DNAJC13: variants seen among roughly 807,000 people sequenced by gnomAD.
The protein encoded by DNAJC13 is dnaJ homolog subfamily C member 13.
In DNAJC13, 75 loss-of-function variants were observed where a neutral mutation model predicts 290.5. The observed-to-expected ratio is 0.26, with a 90% CI of 0.21 to 0.31. DNAJC13 has a LOEUF of 0.31. DNAJC13 is among the 10% of genes least tolerant of loss of function. The probability of loss-of-function intolerance (pLI) is 1.00; values close to 1 mark genes in which losing one functional copy is unlikely to be tolerated. For missense variants in DNAJC13, 2,260 were observed against 2,674.5 expected (o/e 0.85, Z 3.42); for synonymous variants, 862 against 892.0 (o/e 0.97, Z 0.60).
At chr3:132,503,853 G>A (rs1935499965) in intron 41 of DNAJC13, among the ~76,000 whole-genome samples, 1 of 151,994 alleles carries the variant, frequency 6.6e-6, no homozygotes, top group Non-Finnish European at 1.5e-5. Flanking sequence ...AGTATGACAT[G>A]ATAGATCTCC....
In DNAJC13 at chr3:132,511,076, G is replaced by A; in HGVS notation, c.5125G>A (p.Ala1709Thr). 6.2e-7 allele frequency: 1 copy of A among 1,613,610 alleles called. No individual in the cohort carries two copies. The highest frequency in any genetic ancestry group is 1.3e-5 in the African/African-American group (1 of 74,964). The change falls in exon 44 of 56, where the codon GCA becomes ACA. Residue 1709 changes from alanine (A) to threonine (T), a missense_variant. Transcript: ENST00000260818. Reference protein sequence around the residue: ...VPTFQLEVPKAFAASLLDYIG... With the variant: ...VPTFQLEVPKTFAASLLDYIG... ...TGTCTGCATTGATTAGGTTCCAAAAGCATTTGCTGCAAGTCTCTTGGATTA... is the reference window on the plus strand; with the variant it reads ...TGTCTGCATTGATTAGGTTCCAAAAACATTTGCTGCAAGTCTCTTGGATTA...
At chr3:132,505,505 A>G (rs1477306972) in intron 42 of DNAJC13, 90 bp downstream of exon 42, 6 of 826,896 alleles carry the variant, frequency 7.3e-6, no homozygotes, top group Non-Finnish European at 9.6e-6. Flanking sequence ...GAAATCCACT[A>G]CTTCTCACTT....
chr3:132,419,264 T>G (rs2107635164), intron 1 of DNAJC13, among the ~76,000 whole-genome samples: 1 of 152,344 alleles, frequency 6.6e-6, no homozygotes, highest in Non-Finnish European at 1.5e-5. Flanking sequence ...ATGGAAAATA[T>G]CAGCATTTGT....
chr3:132,535,992 T>G (rs1936578539), intron 55 of DNAJC13, among the ~76,000 whole-genome samples: 1 of 152,216 alleles, frequency 6.6e-6, no homozygotes, highest in Non-Finnish European at 1.5e-5. Context: ...TACTAAAATT[T>G]GGTTTCTTCC....
Position 132,509,440 on chromosome 3 carries a change from G to A in DNAJC13, c.5116-1627G>A, listed in dbSNP as rs528665757. On this transcript the variant is annotated intron_variant, in intron 43 of 55. Coordinates refer to ENST00000260818, the MANE Select transcript of DNAJC13 (RefSeq NM_015268.4). ...TGGATAAGCAAAGAAAGTGGTTCTT[G>A]AGATGAAATCTTGTGAAGATGCTGT... is the stretch of plus-strand genomic sequence containing the variant. 5.3e-5 allele frequency among the ~76,000 whole-genome samples: 8 copies of A among 152,342 alleles called. No individual in the cohort carries two copies. The South Asian group carries it at 1.7e-3, about 32-fold the overall frequency.
At chr3:132,482,600 G>A (rs1934715757) in intron 27 of DNAJC13, among the ~76,000 whole-genome samples, 1 of 152,164 alleles carries the variant, frequency 6.6e-6, no homozygotes, top group Non-Finnish European at 1.5e-5. Context: ...GCTGGGTGTA[G>A]TGGCTTACAC....
chr3:132,523,626 A>G lies in DNAJC13; in HGVS notation c.5973A>G (p.Gln1991=), dbSNP rs757633085. Residue 1991 remains glutamine, a synonymous_variant, in exon 51 of 56, where the codon CAA becomes CAG. Transcript: ENST00000260818. ...GGVFLRIFIA[Q]PAWVLRKPRE... is the part of the protein sequence containing the mutation. ...TCTTCTTGAGGATCTTTATTGCACA[A>G]CCAGCCTGGGTTCTAAGAAAGCCTA... 1.2e-5 allele frequency: 20 copies of G among 1,613,980 alleles called. No individual in the cohort carries two copies. The highest frequency in any genetic ancestry group is 1.6e-5 in the Non-Finnish European group (19 of 1,179,986).
chr3:132,466,794 G>C (rs556879892), intron 19 of DNAJC13, among the ~76,000 whole-genome samples: 1 of 152,228 alleles, frequency 6.6e-6, no homozygotes, highest in South Asian at 2.1e-4. Flanking sequence ...AAAAGTTATA[G>C]GTAGGGTTTT....
chr3:132,495,811 A>C (rs1296230381), intron 35 of DNAJC13, among the ~76,000 whole-genome samples: 1 of 152,174 alleles, frequency 6.6e-6, no homozygotes, highest in Non-Finnish European at 1.5e-5. Flanking sequence ...TCATATGTTT[A>C]AGGTATTTTT....
intron 1 of DNAJC13, among the ~76,000 whole-genome samples, chr3:132,432,560 A>C (rs1413798901): frequency 1.3e-5 from 2 of 152,204 alleles, no homozygotes; most frequent in African/African-American, 4.8e-5. Context: ...AGAAATAGCT[A>C]AGTCACAAAA....
chr3:132,452,254 A>T (rs1933439755), intron 6 of DNAJC13, among the ~76,000 whole-genome samples: 2 of 152,238 alleles, frequency 1.3e-5, no homozygotes, highest in South Asian at 4.1e-4. Context: ...GGCAGCAAGA[A>T]GTTTTCATTT....
At position 132,511,123 on chromosome 3, in the gene DNAJC13, C is replaced by T. The variant is rs376672399; in HGVS notation, c.5172C>T (p.Tyr1724=). 7.4e-6 allele frequency: 12 copies of T among 1,613,970 alleles called. No homozygotes were observed. The highest frequency in any genetic ancestry group is 1.0e-5 in the Non-Finnish European group (12 of 1,179,928). Residue 1724 remains tyrosine (Y), a synonymous_variant, in exon 44 of 56, where the codon TAC becomes TAT. Coordinates refer to ENST00000260818, the MANE Select transcript of DNAJC13 (RefSeq NM_015268.4). ...ATTATATAGGCTCGCAGGCCCAATA[C>T]TTGCACACATTCATGGCCATCACAC... The part of the protein sequence containing the change: ...LLDYIGSQAQ[Y]LHTFMAITHA...
chr3:132,525,951 G>A (rs1443433764), intron 52 of DNAJC13, among the ~76,000 whole-genome samples, 162 bp downstream of exon 52: 1 of 152,014 alleles, frequency 6.6e-6, no homozygotes, highest in African/African-American at 2.4e-5. Context: ...ATCAAAACTG[G>A]TATTTATCAA....
chr3:132,468,409 T>G (rs1031344417), intron 20 of DNAJC13, among the ~76,000 whole-genome samples: 2 of 152,232 alleles, frequency 1.3e-5, no homozygotes, highest in Non-Finnish European at 2.9e-5. Context: ...TATTATAGTC[T>G]TGTGTATCTA....
chr3:132,434,762 T>C (rs1939336102), intron 2 of DNAJC13, 144 bp downstream of exon 2: 4 of 529,084 alleles, frequency 7.6e-6, no homozygotes, highest in Non-Finnish European at 1.2e-5. Context: ...TAAATGTAAA[T>C]GCTACATGTA....
At chr3:132,475,641 G>A (rs1041028099) in intron 22 of DNAJC13, among the ~76,000 whole-genome samples, 2 of 152,024 alleles carry the variant, frequency 1.3e-5, no homozygotes, top group Non-Finnish European at 2.9e-5. Flanking sequence ...GTGATCCTGC[G>A]GGCTTTGATC....
At position 132,417,524 on chromosome 3, in the gene DNAJC13, G is replaced by C. The variant is rs1016593343; in HGVS notation, c.-250G>C. 6.6e-6 allele frequency: 1 copy of C among 152,258 alleles called. No homozygotes were observed. Among genetic ancestry groups the C allele is most frequent in the Admixed American group, 6.5e-5 (1 of 15,288 alleles). 9.4% of individuals were successfully genotyped at this position (152,258 alleles called of 1,614,324 possible). A position where few individuals can be genotyped will look rare whatever the true frequency, so the allele number is the denominator to read the frequency against. On this transcript the variant is annotated 5_prime_UTR_variant, in exon 1 of 56. Transcript: ENST00000260818. ...ATTAGAGCGCGCTCGCTCAAAGCCTGAGCGAAGATGGCGGCCTCCAGAGTG... is the reference window on the plus strand; with the variant it reads ...ATTAGAGCGCGCTCGCTCAAAGCCTCAGCGAAGATGGCGGCCTCCAGAGTG...
intron 31 of DNAJC13, 93 bp from the exon 32 acceptor site, chr3:132,490,804 C>T: frequency 7.9e-7 from 1 of 1,268,924 alleles, no homozygotes; most frequent in Non-Finnish European, 1.0e-6. Context: ...GTGTTCTTTT[C>T]TTAAAGTGTT....
In DNAJC13 at chr3:132,456,532, C is replaced by A. The variant is rs755647917; in HGVS notation, c.1131C>A (p.Phe377Leu). ...NGNFADAVFR[F>L]NANISYSGVL... ...ACTTTGCAGATGCTGTATTCAGGTT[C>A]AATGCTAATATTTCATACAGTGGAG... is the stretch of plus-strand genomic sequence containing the variant. Residue 377 changes from phenylalanine to leucine, a missense_variant, in exon 11 of 56, where the codon TTC (phenylalanine) becomes TTA (leucine). Coordinates refer to ENST00000260818, the MANE Select transcript of DNAJC13 (RefSeq NM_015268.4). 6.2e-7 allele frequency: 1 copy of A among 1,613,920 alleles called. No homozygotes were observed. Among genetic ancestry groups the A allele is most frequent in the Admixed American group, 1.7e-5 (1 of 60,006 alleles).
Sources: gnomAD v4.1 joint callset for allele counts (sites outside exome capture counted in the v4.1 genomes callset) on GRCh38, gnomAD v4.1.1 for gene constraint, MANE v1.5 for transcripts, NCBI Gene and HGNC (gene_info 2026-07-23, HGNC 2026-07-21) for gene names.